The following SYDE1 variants were observed in gnomAD, a reference collection of about 807,000 sequenced individuals.
The protein encoded by SYDE1 is rho GTPase-activating protein SYDE1.
In SYDE1, 34 loss-of-function variants were observed where a neutral mutation model predicts 63.3. That is an observed-to-expected ratio of 0.54 (90% CI 0.41 to 0.71). The LOEUF (loss-of-function observed/expected upper bound fraction) is 0.71, where lower values mean the gene tolerates loss of function less well. Ranked by LOEUF, SYDE1 falls within the 30% of genes least tolerant of loss-of-function variation. The pLI is 0.00. For missense variants in SYDE1, 925 were observed against 1,042.5 expected, an observed-to-expected ratio of 0.89 and a Z score of 1.55; for synonymous variants, 467 against 473.4, an observed-to-expected ratio of 0.99 and a Z score of 0.18.
chr19:15,114,315 G>A lies in SYDE1; in HGVS notation c.*352G>A, dbSNP rs2046368354. The stretch of plus-strand genomic sequence containing the variant: ...TGGCCGGGGCAACACCAGTTACTGT[G>A]AGCATCACCCTGGTGTGGTGAGTCA... On this transcript the variant is annotated 3_prime_UTR_variant, in exon 8 of 8. Transcript: ENST00000342784. The A allele has an allele frequency of 3.4e-6, 1 of 292,722 alleles. No individual in the cohort carries two copies. The highest frequency in any genetic ancestry group is 2.2e-5 in the African/African-American group (1 of 45,400). The allele number at this position is 292,722 out of a possible 1,614,324, so 18.1% of individuals were successfully genotyped here.
At position 15,110,278 on chromosome 19, in the gene SYDE1, G is replaced by C; in HGVS notation, c.1005G>C (p.Ala335=). The change falls in exon 3 of 8, where the codon GCG becomes GCC. Residue 335 remains alanine, a synonymous_variant. Transcript: ENST00000342784. This position sits in a 1 kb window ranked among gnomAD's most constrained non-coding sequence, Gnocchi z 6.9. ...AARLLRALVL[A]WDPGVRRHRP... is the part of the protein sequence containing the mutation. ...GGCTCCTGCGCGCCCTGGTGCTTGC[G>C]TGGGACCCTGGCGTGAGAAGGCACC... The C allele has an allele frequency of 1.4e-6, 2 of 1,417,698 alleles. No individual in the cohort carries two copies. Among genetic ancestry groups the C allele is most frequent in the South Asian group, 1.6e-5 (1 of 64,316 alleles). 87.8% of individuals were successfully genotyped at this position (1,417,698 alleles called of 1,614,324 possible). A position where few individuals can be genotyped will look rare whatever the true frequency, so the allele number is the denominator to read the frequency against.
rs1023024892 is a variant in SYDE1 at position 15,111,724 on chromosome 19, CCAAA to C, written c.1513_1516del (p.Asn505GlufsTer24). ...ACTGGAGGCCATGGCCCGGGACCCC[CCAAA>C]CAGAGTTCCCCCCACCACTGAGGGC... On this transcript the variant is annotated frameshift_variant, in exon 6 of 8. Coordinates refer to ENST00000342784, the MANE Select transcript of SYDE1 (RefSeq NM_033025.6). LOFTEE classifies it high-confidence loss of function. The surrounding 1 kb of genome is among the most constrained non-coding windows in gnomAD (Gnocchi z 5.5). The C allele has an allele frequency of 6.2e-7, 1 of 1,611,232 alleles. No individual in the cohort carries two copies. Among genetic ancestry groups the C allele is most frequent in the African/African-American group, 1.3e-5 (1 of 74,882 alleles).
In SYDE1 at chr19:15,109,331, C is replaced by T. The variant is rs145423526; in HGVS notation, c.364C>T (p.Pro122Ser). ...CCCCATCCCTGAGGAAGACCCCAGA[C>T]CTCCAGCACCTGAGCCCCCGGGGCC... ...YNPIPEEDPR[P>S]PAPEPPGPQP... The change falls in exon 2 of 8, where the codon CCT becomes TCT. Residue 122 changes from proline (P) to serine (S), a missense_variant. Around this residue, in one of 3 missense-constraint regions of SYDE1, gnomAD observed 599 missense variants for 653.7 expected, o/e 0.92. Transcript: ENST00000342784. The surrounding 1 kb of genome is among the most constrained non-coding windows in gnomAD (Gnocchi z 5.0). 1.3e-4 allele frequency: 211 copies of T among 1,605,886 alleles called. 1 individual carries two copies. In the African/African-American group the frequency reaches 2.4e-3, roughly 18 times the overall value.
chr19:15,110,491 C>T lies in SYDE1; in HGVS notation c.1076-30C>T. 2.6e-6 allele frequency: 4 copies of T among 1,540,736 alleles called. No individual in the cohort carries two copies. Among genetic ancestry groups the T allele is most frequent in the Non-Finnish European group, 3.5e-6 (4 of 1,144,130 alleles). On this transcript the variant is annotated intron_variant, in intron 3 of 7. Transcript: ENST00000342784. This position sits in a 1 kb window ranked among gnomAD's most constrained non-coding sequence, Gnocchi z 6.9. ...CCAGGGTACATGAAGCTTCAGAGCACACCCGGCTCAGGCCCCCTTGTGTCC... is the reference window on the plus strand; with the variant it reads ...CCAGGGTACATGAAGCTTCAGAGCATACCCGGCTCAGGCCCCCTTGTGTCC...
chr19:15,108,433 T>TG lies in SYDE1; in HGVS notation c.89-617dup, dbSNP rs2046320324. 6.6e-6 allele frequency among the ~76,000 whole-genome samples: 1 copy of TG among 151,632 alleles called. No individual in the cohort carries two copies. The highest frequency in any genetic ancestry group is 2.4e-5 in the African/African-American group (1 of 41,200). On this transcript the variant is annotated intron_variant, in intron 1 of 7. Coordinates refer to ENST00000342784, the MANE Select transcript of SYDE1 (RefSeq NM_033025.6). The surrounding 1 kb of genome is among the most constrained non-coding windows in gnomAD (Gnocchi z 4.3). ...AGGGGAAGTCCCAAAGCATTGAGCGTGGGGGGTCTGGCCTGGGCTGAGGGA... is the reference window on the plus strand; with the variant it reads ...AGGGGAAGTCCCAAAGCATTGAGCGTGGGGGGGTCTGGCCTGGGCTGAGGGA...
intron 7 of SYDE1, among the ~76,000 whole-genome samples, chr19:15,112,927 T>C (rs4808978): frequency 0.23 from 35,170 of 152,002 alleles, 4,335 homozygotes; most frequent in South Asian, 0.37. Context: ...TTTTTTGAGA[T>C]GGAGTCTTGC....
chr19:15,109,858 C>A lies in SYDE1; in HGVS notation c.585C>A (p.Ala195=). The A allele has an allele frequency of 6.5e-7, 1 of 1,527,570 alleles. No individual in the cohort carries two copies. The highest frequency in any genetic ancestry group is 8.8e-7 in the Non-Finnish European group (1 of 1,142,206). 94.6% of individuals were successfully genotyped at this position (1,527,570 alleles called of 1,614,324 possible). A position where few individuals can be genotyped will look rare whatever the true frequency, so the allele number is the denominator to read the frequency against. The change falls in exon 3 of 8, where the codon GCC becomes GCA. Residue 195 remains alanine (A), a synonymous_variant. Coordinates refer to ENST00000342784, the MANE Select transcript of SYDE1 (RefSeq NM_033025.6). The surrounding 1 kb of genome is among the most constrained non-coding windows in gnomAD (Gnocchi z 5.0). ...CTGGCAGGGAGCGCGAGAGGGCTGC[C>A]CCTGCGGGCTCCGTCATCAGCCGCT... ...PRAGRERERA[A]PAGSVISRYH...
intron 1 of SYDE1, 108 bp downstream of exon 1, chr19:15,107,629 CG>C: frequency 1.5e-6 from 1 of 652,022 alleles, no homozygotes; most frequent in Non-Finnish European, 2.4e-6. Context: ...GGGAGCCCCC[CG>C]CACCCCGCTG....
intron 7 of SYDE1, 143 bp downstream of exon 7, chr19:15,112,714 T>G: frequency 3.1e-6 from 2 of 635,232 alleles, no homozygotes; most frequent in Non-Finnish European, 5.3e-6. Context: ...CAGCAACCAG[T>G]TCAGATCCAA....
rs1395072250 is a variant in SYDE1, at chr19:15,109,403, A to T, written c.430+6A>T. ...AGAGGGCCTGGCCCCCCAAGGTAAGAACAAGCTTCCCATCCCCTTCCCCAA... is the reference window on the plus strand; with the variant it reads ...AGAGGGCCTGGCCCCCCAAGGTAAGTACAAGCTTCCCATCCCCTTCCCCAA... On this transcript the variant is annotated splice_donor_region_variant and intron_variant, in intron 2 of 7. Coordinates refer to ENST00000342784, the MANE Select transcript of SYDE1 (RefSeq NM_033025.6). The surrounding 1 kb of genome is among the most constrained non-coding windows in gnomAD (Gnocchi z 5.0). The T allele has an allele frequency of 6.5e-7, 1 of 1,532,120 alleles. No individual in the cohort carries two copies. The allele number at this position is 1,532,120 out of a possible 1,614,324, so 94.9% of individuals were successfully genotyped here. A position where few individuals can be genotyped will look rare whatever the true frequency, so the allele number is the denominator to read the frequency against.
At position 15,112,451 on chromosome 19, in the gene SYDE1, C is replaced by G. The variant is rs763460725; in HGVS notation, c.1684C>G (p.Leu562Val). 3 of 1,603,016 alleles carry G rather than the reference C, an allele frequency of 1.9e-6. No individual in the cohort carries two copies. In the South Asian group the frequency reaches 3.4e-5, roughly 18 times the overall value. Reference sequence around the variant, plus strand: ...GGCCGTGTGCTTCGGGCCTGTGCTGCTGCCGGCACGCCAGGCGCCCACAAG... The same window carrying G: ...GGCCGTGTGCTTCGGGCCTGTGCTGGTGCCGGCACGCCAGGCGCCCACAAG... ...NLAVCFGPVL[L>V]PARQAPTRPR... is the part of the protein sequence containing the mutation. Residue 562 changes from leucine to valine, a missense_variant, in exon 7 of 8, where the codon CTG becomes GTG. Physicochemically the swap from Leu to Val is conservative, Grantham distance 32 (BLOSUM62 1). Transcript: ENST00000342784.
rs2046345704 is a variant in SYDE1 at position 15,111,492 on chromosome 19, T to C, written c.1417+53T>C. 3.7e-6 allele frequency: 6 copies of C among 1,606,938 alleles called. No homozygotes were observed. The highest frequency in any genetic ancestry group is 5.1e-6 in the Non-Finnish European group (6 of 1,175,126). On this transcript the variant is annotated intron_variant, in intron 5 of 7. Transcript: ENST00000342784. This position sits in a 1 kb window ranked among gnomAD's most constrained non-coding sequence, Gnocchi z 5.5. Reference sequence around the variant, plus strand: ...GCTCACCCCCATTCAATGCCTCACTTCAAGGCCTTGGGGCTCCTCTGGGAC... The same window carrying C: ...GCTCACCCCCATTCAATGCCTCACTCCAAGGCCTTGGGGCTCCTCTGGGAC...
chr19:15,109,882 C>G lies in SYDE1; in HGVS notation c.609C>G (p.Arg203=), dbSNP rs1229670170. The change falls in exon 3 of 8, where the codon CGC becomes CGG. Residue 203 remains arginine, a synonymous_variant. Transcript: ENST00000342784. This position sits in a 1 kb window ranked among gnomAD's most constrained non-coding sequence, Gnocchi z 5.0. The part of the protein sequence containing the change: ...RAAPAGSVIS[R]YHLDSSVGGP... The stretch of plus-strand genomic sequence containing the variant: ...CCCCTGCGGGCTCCGTCATCAGCCG[C>G]TACCACCTGGACAGCAGCGTGGGGG... 1.3e-6 allele frequency: 2 copies of G among 1,519,910 alleles called. No homozygotes were observed. The highest frequency in any genetic ancestry group is 4.0e-5 in the Admixed American group (2 of 49,816). The allele number at this position is 1,519,910 out of a possible 1,614,324, so 94.2% of individuals were successfully genotyped here.
chr19:15,110,298 G>A lies in SYDE1; in HGVS notation c.1025G>A (p.Arg342Lys). The A allele has an allele frequency of 7.0e-7, 1 of 1,419,022 alleles. No homozygotes were observed. The highest frequency in any genetic ancestry group is 9.2e-7 in the Non-Finnish European group (1 of 1,088,744). The allele number at this position is 1,419,022 out of a possible 1,614,324, so 87.9% of individuals were successfully genotyped here. Reference sequence around the variant, plus strand: ...CTTGCGTGGGACCCTGGCGTGAGAAGGCACCGGCCCTGTGCCCAGGGCACC... The same window carrying A: ...CTTGCGTGGGACCCTGGCGTGAGAAAGCACCGGCCCTGTGCCCAGGGCACC... ...LVLAWDPGVR[R>K]HRPCAQGTVL... Residue 342 changes from arginine to lysine, a missense_variant, in exon 3 of 8, where the codon AGG (arginine) becomes AAG (lysine). Coordinates refer to ENST00000342784, the MANE Select transcript of SYDE1 (RefSeq NM_033025.6). The surrounding 1 kb of genome is among the most constrained non-coding windows in gnomAD (Gnocchi z 6.9).
At chr19:15,112,785 T>C (rs991957267) in intron 7 of SYDE1, among the ~76,000 whole-genome samples, 1 of 152,240 alleles carries the variant, frequency 6.6e-6, no homozygotes, top group African/African-American at 2.4e-5. Flanking sequence ...GGTTTCTCTA[T>C]ATTGCCCAAG....
At position 15,109,794 on chromosome 19, in the gene SYDE1, CGGAACTGCGGCGCCGCCTGAGCCTGCGA is replaced by C; in HGVS notation, c.524_551del (p.Glu175AlafsTer157). ...CTCTCCATAAAGATGAAGAAGCTGCCGGAACTGCGGCGCCGCCTGAGCCTGCGAGGCCCCCGGGCTGGCAGGGAGCGCG... is the reference window on the plus strand; with the variant it reads ...CTCTCCATAAAGATGAAGAAGCTGCCGGCCCCCGGGCTGGCAGGGAGCGCG... On this transcript the variant is annotated frameshift_variant, in exon 3 of 8. Transcript: ENST00000342784. LOFTEE classifies it high-confidence loss of function. This position sits in a 1 kb window ranked among gnomAD's most constrained non-coding sequence, Gnocchi z 5.0. 3 of 1,536,944 alleles carry C rather than the reference CGGAACTGCGGCGCCGCCTGAGCCTGCGA, an allele frequency of 2.0e-6. No individual in the cohort carries two copies. The highest frequency in any genetic ancestry group is 2.6e-6 in the Non-Finnish European group (3 of 1,145,578).
In SYDE1 at chr19:15,113,729, C is replaced by T. The variant is rs760620825; in HGVS notation, c.1974C>T (p.Cys658=). 1.9e-6 allele frequency: 3 copies of T among 1,613,596 alleles called. No individual in the cohort carries two copies. The highest frequency in any genetic ancestry group is 1.1e-5 in the South Asian group (1 of 91,062). The change falls in exon 8 of 8, where the codon TGC becomes TGT. Residue 658 remains cysteine, a synonymous_variant. Transcript: ENST00000342784. ...GCTACGCCGGCGACTGGAGCGTTTG[C>T]GGGCGGGACTTCCTGCCCTGTGGGC... The part of the protein sequence containing the change: ...SNRYAGDWSV[C]GRDFLPCGRD...
At position 15,109,417 on chromosome 19, in the gene SYDE1, C is replaced by T; in HGVS notation, c.430+20C>T. On this transcript the variant is annotated intron_variant, in intron 2 of 7. Transcript: ENST00000342784. This position sits in a 1 kb window ranked among gnomAD's most constrained non-coding sequence, Gnocchi z 5.0. ...CCCAAGGTAAGAACAAGCTTCCCAT[C>T]CCCTTCCCCAAGGTGAGCACCAGCT... The T allele has an allele frequency of 6.6e-7, 1 of 1,519,968 alleles. No individual in the cohort carries two copies. The allele number at this position is 1,519,968 out of a possible 1,614,324, so 94.2% of individuals were successfully genotyped here.
rs763259321 is a variant in SYDE1, at chr19:15,109,393, C to G, written c.426C>G (p.Pro142=). 1.3e-6 allele frequency: 2 copies of G among 1,540,742 alleles called. No individual in the cohort carries two copies. Among genetic ancestry groups the G allele is most frequent in the African/African-American group, 1.4e-5 (1 of 72,460 alleles). The stretch of plus-strand genomic sequence containing the variant: ...CAGCTGAGTCAGAGGGCCTGGCCCC[C>G]CAAGGTAAGAACAAGCTTCCCATCC... The part of the protein sequence containing the change: ...PGSAESEGLA[P]QGAAPASPPT... Residue 142 remains proline, a synonymous_variant, in exon 2 of 8, where the codon CCC becomes CCG. Transcript: ENST00000342784. The surrounding 1 kb of genome is among the most constrained non-coding windows in gnomAD (Gnocchi z 5.0).
Sources: gnomAD v4.1 joint callset for allele counts (sites outside exome capture counted in the v4.1 genomes callset) on GRCh38, gnomAD v4.1.1 for gene constraint, gnomAD v4.1.1 regional missense constraint, Gnocchi (gnomAD v3.1) non-coding constraint, MANE v1.5 for transcripts, NCBI Gene and HGNC (gene_info 2026-07-23, HGNC 2026-07-21) for gene names.